DST: variants seen among roughly 807,000 people sequenced by gnomAD.
DST encodes the protein dystonin, also known as bullous pemphigoid antigen.
A neutral mutation model predicts 875.2 loss-of-function variants in DST; 253 were observed. That is an observed-to-expected ratio of 0.29 (90% CI 0.26 to 0.32). DST has a LOEUF of 0.32. DST is among the 10% of genes least tolerant of loss of function. The pLI is 1.00. For missense variants in DST, 8,287 were observed against 9,111.6 expected, an observed-to-expected ratio of 0.91 and a Z score of 3.68; for synonymous variants, 3,124 against 3,197.1, an observed-to-expected ratio of 0.98 and a Z score of 0.77.
intron 4 of DST, among the ~76,000 whole-genome samples, chr6:56,806,296 T>C (rs2099752891): frequency 1.3e-5 from 2 of 152,100 alleles, no homozygotes; most frequent in South Asian, 4.1e-4. Context: ...CAGTGGAAAA[T>C]GGGGTGATAG....
chr6:56,672,745 A>T (rs1256940196), intron 9 of DST, among the ~76,000 whole-genome samples: 1 of 152,230 alleles, frequency 6.6e-6, no homozygotes, highest in East Asian at 1.9e-4. Flanking sequence ...CCTGGCCCAT[A>T]GTCCGCAAAT....
intron 2 of DST, among the ~76,000 whole-genome samples, chr6:56,915,413 C>G (rs10498814): frequency 0.052 from 7,836 of 152,062 alleles, 337 homozygotes; most frequent in East Asian, 0.17. Flanking sequence ...AGGCCAGGAA[C>G]ACTAATCATA....
chr6:56,481,974 T>C (rs1053771172), intron 90 of DST, 76 bp downstream of exon 90: 4 of 1,464,450 alleles, frequency 2.7e-6, no homozygotes, highest in Non-Finnish European at 3.7e-6. Flanking sequence ...ATGCAGTTGA[T>C]ATTTGTAATC....
chr6:56,627,024 C>A (rs996747905), intron 34 of DST, among the ~76,000 whole-genome samples, 180 bp downstream of exon 34: 7 of 152,022 alleles, frequency 4.6e-5, no homozygotes, highest in Non-Finnish European at 1.0e-4. Context: ...GAGAAGAAGA[C>A]GAATGAACTG....
intron 55 of DST, among the ~76,000 whole-genome samples, chr6:56,566,825 C>T (rs1001860541): frequency 2.0e-5 from 3 of 152,032 alleles, no homozygotes; most frequent in African/African-American, 7.2e-5. Context: ...TTATCATGGG[C>T]TTAATGGAGG....
Position 56,624,587 on chromosome 6 carries a change from G to A in DST, c.4872C>T (p.Leu1624=). ...CAGCAAATTTAATATATTGTGTCAT[G>A]AGAGTGACCAGGGCAGTATATCGAG... ...LRTRYTALVT[L]MTQYIKFAGD... is the part of the protein sequence containing the mutation. The change falls in exon 36 of 104, where the codon CTC becomes CTT. Residue 1624 remains leucine, a synonymous_variant. Coordinates refer to ENST00000680361, the MANE Select transcript of DST (RefSeq NM_001374736.1). 2 of 1,613,384 alleles carry A rather than the reference G, an allele frequency of 1.2e-6. No individual in the cohort carries two copies. Among genetic ancestry groups the A allele is most frequent in the East Asian group, 2.2e-5 (1 of 44,852 alleles).
chr6:56,953,031 A>T (rs749920468), intron 2 of DST, among the ~76,000 whole-genome samples: 35 of 152,252 alleles, frequency 2.3e-4, no homozygotes, highest in Non-Finnish European at 4.4e-4. Flanking sequence ...TTAACTATGA[A>T]GTCTTTGCCA....
At chr6:56,571,117 T>A (rs1238980988) in intron 53 of DST, among the ~76,000 whole-genome samples, 1 of 152,172 alleles carries the variant, frequency 6.6e-6, no homozygotes, top group East Asian at 1.9e-4. Context: ...TTCTGTATGC[T>A]CTGCACCACG....
At chr6:56,928,039 T>C (rs1378558257) in intron 2 of DST, among the ~76,000 whole-genome samples, 1 of 152,104 alleles carries the variant, frequency 6.6e-6, no homozygotes, top group Non-Finnish European at 1.5e-5. Flanking sequence ...CTGCTGTTAG[T>C]TCTTTAGGAG....
intron 57 of DST, 106 bp from the exon 58 acceptor site, chr6:56,560,529 T>A: frequency 8.1e-7 from 1 of 1,234,200 alleles, no homozygotes; most frequent in Non-Finnish European, 1.1e-6. Context: ...GGAAAAAATC[T>A]ACTGTTAAAT....
In DST at chr6:56,941,821, T is replaced by C. The variant is rs193036824; in HGVS notation, c.216+11964A>G. On this transcript the variant is annotated intron_variant, in intron 2 of 103. Coordinates refer to ENST00000680361, the MANE Select transcript of DST (RefSeq NM_001374736.1). ...TCTAGAAGTATCAGTTAGGTCAAGATAGTTGGTAGAGTTGTTTAGCTCTTT... is the reference window on the plus strand; with the variant it reads ...TCTAGAAGTATCAGTTAGGTCAAGACAGTTGGTAGAGTTGTTTAGCTCTTT... Among the ~76,000 whole-genome samples the C allele has an allele frequency of 2.6e-5, 4 of 152,320 alleles. No homozygotes were observed. In the East Asian group the frequency reaches 7.7e-4, roughly 29 times the overall value.
At chr6:56,732,580 T>C (rs1199124675) in intron 5 of DST, among the ~76,000 whole-genome samples, 1 of 152,170 alleles carries the variant, frequency 6.6e-6, no homozygotes, top group African/African-American at 2.4e-5. Flanking sequence ...TTTATGCACA[T>C]AAATGTAACA....
chr6:56,646,137 G>T lies in DST; in HGVS notation c.1600C>A (p.Pro534Thr). 6.5e-7 allele frequency: 1 copy of T among 1,537,248 alleles called. No homozygotes were observed. Among genetic ancestry groups the T allele is most frequent in the Non-Finnish European group, 8.8e-7 (1 of 1,131,990 alleles). Residue 534 changes from proline to threonine, a missense_variant, in exon 14 of 104, where the codon CCA (proline) becomes ACA (threonine). This residue lies in a region of DST where 1,160 missense variants were observed against 1,424.3 expected (regional missense o/e 0.81). Coordinates refer to ENST00000680361, the MANE Select transcript of DST (RefSeq NM_001374736.1). ...YLQFKETEIP[P>T]KETEKSKIKR... ...ATTTTTGATTTTTCTGTCTCCTTTGGTGGAATTTCTGTTTCTTTAAACTGT... is the reference window on the plus strand; with the variant it reads ...ATTTTTGATTTTTCTGTCTCCTTTGTTGGAATTTCTGTTTCTTTAAACTGT...
At position 56,954,650 on chromosome 6, in the gene DST, G is replaced by A. The variant is rs779280110; in HGVS notation, c.-63C>T. Reference sequence around the variant, plus strand: ...GGAGGGCGGCGGCACAGGCACCCGCGCTGGGCGCACGCCGGGACGGCGGGC... The same window carrying A: ...GGAGGGCGGCGGCACAGGCACCCGCACTGGGCGCACGCCGGGACGGCGGGC... On this transcript the variant is annotated 5_prime_UTR_variant, in exon 1 of 104. Coordinates refer to ENST00000680361, the MANE Select transcript of DST (RefSeq NM_001374736.1). 79 of 1,139,710 alleles carry A rather than the reference G, an allele frequency of 6.9e-5. No individual in the cohort carries two copies. The highest frequency in any genetic ancestry group is 8.2e-5 in the Non-Finnish European group (74 of 901,896). The allele number at this position is 1,139,710 out of a possible 1,614,324, so 70.6% of individuals were successfully genotyped here. A position where few individuals can be genotyped will look rare whatever the true frequency, so the allele number is the denominator to read the frequency against.
rs1285267223 is a variant in DST at position 56,607,877 on chromosome 6, G to A, written c.6751C>T (p.Leu2251Phe). ...ACACCAGATGAGCTTAAGACATCGA[G>A]ACATTCTTTTATGGCTGTGTTTCCA... ...FDGNTAIKEC[L>F]DVLSSSGVFL... The change falls in exon 40 of 104, where the codon CTC (leucine) becomes TTC (phenylalanine). Residue 2251 changes from leucine to phenylalanine, a missense_variant. By Grantham distance (22) the Leu-to-Phe change is conservative. Around this residue, in one of 10 missense-constraint regions of DST, gnomAD observed 3,138 missense variants for 3,116.6 expected, o/e 1.01. Coordinates refer to ENST00000680361, the MANE Select transcript of DST (RefSeq NM_001374736.1). The A allele has an allele frequency of 6.8e-6, 11 of 1,613,604 alleles. No homozygotes were observed. The highest frequency in any genetic ancestry group is 1.1e-5 in the South Asian group (1 of 91,072).
chr6:56,855,700 G>A (rs1267512384), intron 3 of DST, among the ~76,000 whole-genome samples: 1 of 152,108 alleles, frequency 6.6e-6, no homozygotes. Context: ...GCTTATTACA[G>A]TTCAGGATCA....
At chr6:56,942,742 GC>G (rs760179752) in intron 2 of DST, among the ~76,000 whole-genome samples, 8 of 125,782 alleles carry the variant, frequency 6.4e-5, no homozygotes, top group Non-Finnish European at 1.3e-4. Flanking sequence ...AAGAGATAGG[GC>G]CTTGCTCTGC....
At chr6:56,726,903 C>T (rs2099462628) in intron 5 of DST, among the ~76,000 whole-genome samples, 1 of 152,184 alleles carries the variant, frequency 6.6e-6, no homozygotes, top group Admixed American at 6.5e-5. Flanking sequence ...TGCATTGTTT[C>T]TTATAACAGA....
chr6:56,769,111 C>T (rs1204803025), intron 4 of DST, among the ~76,000 whole-genome samples: 1 of 152,062 alleles, frequency 6.6e-6, no homozygotes, highest in Non-Finnish European at 1.5e-5. Context: ...AGAAAGCAAA[C>T]AACTCAGTTT....
Sources: allele counts gnomAD v4.1 joint callset (sites outside exome capture counted in the v4.1 genomes callset), GRCh38; gene constraint gnomAD v4.1.1; regional missense constraint gnomAD v4.1.1; transcripts MANE v1.5; gene names NCBI Gene and HGNC (gene_info 2026-07-23, HGNC 2026-07-21).